MLKL: variants seen among roughly 807,000 people sequenced by gnomAD.
MLKL encodes the protein mixed lineage kinase domain-like protein.
MLKL carries 55 observed loss-of-function variants against 56.5 expected under a neutral mutation model. That is an observed-to-expected ratio of 0.97 (90% CI 0.78 to 1.22). MLKL has a LOEUF of 1.22. MLKL is among the 50% of genes most tolerant of loss of function. The pLI, the probability that MLKL is intolerant of heterozygous loss-of-function variation, is 0.00. For missense variants in MLKL, 694 were observed against 573.9 expected (o/e 1.21, Z -2.14); for synonymous variants, 251 against 208.3 (o/e 1.20, Z -1.76).
At chr16:74,681,292 C>G (rs1369032717) in intron 6 of MLKL, among the ~76,000 whole-genome samples, 4 of 152,124 alleles carry the variant, frequency 2.6e-5, no homozygotes, top group African/African-American at 9.7e-5. Flanking sequence ...TCTCAAAGTG[C>G]TGGGATTATG....
At chr16:74,696,117 G>A (rs572755367) in intron 1 of MLKL, among the ~76,000 whole-genome samples, 1 of 152,316 alleles carries the variant, frequency 6.6e-6, no homozygotes, top group East Asian at 1.9e-4. Context: ...GGCTGGATGC[G>A]TGGGGTGAAG....
At position 74,691,475 on chromosome 16, in the gene MLKL, C is replaced by G. The variant is rs754740254; in HGVS notation, c.536-12G>C. On this transcript the variant is annotated splice_polypyrimidine_tract_variant and intron_variant, in intron 3 of 10. Transcript: ENST00000308807. Reference sequence around the variant, plus strand: ...TTTTGGTGGTAAATCTGACCTCACCCCCGAGAGGAAAGAAGACAAAAGAGT... The same window carrying G: ...TTTTGGTGGTAAATCTGACCTCACCGCCGAGAGGAAAGAAGACAAAAGAGT... 6.2e-7 allele frequency: 1 copy of G among 1,603,452 alleles called. No individual in the cohort carries two copies. Among genetic ancestry groups the G allele is most frequent in the East Asian group, 2.2e-5 (1 of 44,772 alleles).
Position 74,684,084 on chromosome 16 carries a change from A to T in MLKL, c.821-1298T>A, listed in dbSNP as rs544705853. ...TGCCTCAGCCTCCCGAGTAGCTGGG[A>T]CTACAGGCACCCACCACCACGCCCA... On this transcript the variant is annotated intron_variant, in intron 5 of 10. Transcript: ENST00000308807. 1.4e-4 allele frequency among the ~76,000 whole-genome samples: 21 copies of T among 152,002 alleles called. No homozygotes were observed. The East Asian group carries it at 3.9e-3, about 28-fold the overall frequency.
intron 1 of MLKL, among the ~76,000 whole-genome samples, chr16:74,696,984 C>CAT (rs1189810272): frequency 4.7e-4 from 65 of 139,742 alleles, no homozygotes; most frequent in African/African-American, 1.8e-3. Flanking sequence ...TGTAATATTA[C>CAT]ATATATAGTA....
chr16:74,674,270 A>T (rs750678854), intron 10 of MLKL, among the ~76,000 whole-genome samples: 16 of 150,432 alleles, frequency 1.1e-4, no homozygotes, highest in Non-Finnish European at 2.4e-4. Context: ...CTCTTGCCTC[A>T]GCCTCCTGAG....
intron 3 of MLKL, among the ~76,000 whole-genome samples, chr16:74,691,979 G>T (rs1477609994): frequency 6.6e-6 from 1 of 152,118 alleles, no homozygotes; most frequent in South Asian, 2.1e-4. Context: ...CATGGCCTCT[G>T]GCATAAACCA....
At chr16:74,679,969 G>A (rs985247644) in intron 6 of MLKL, among the ~76,000 whole-genome samples, 8 of 152,178 alleles carry the variant, frequency 5.3e-5, no homozygotes, top group African/African-American at 1.2e-4. Flanking sequence ...GTGGTCTCGC[G>A]GAGACCTGTG....
intron 6 of MLKL, among the ~76,000 whole-genome samples, chr16:74,681,116 C>G (rs1384720788): frequency 1.3e-5 from 2 of 152,140 alleles, no homozygotes; most frequent in Non-Finnish European, 2.9e-5. Flanking sequence ...CCTCCGCCTC[C>G]TGGGTTCAAG....
chr16:74,673,952 T>TAAAAAAAAA (rs5817923), intron 10 of MLKL, among the ~76,000 whole-genome samples: 13 of 104,654 alleles, frequency 1.2e-4, no homozygotes, highest in African/African-American at 4.7e-4. Flanking sequence ...ACCTCCTCTC[T>TAAAAAAAAA]AAAAAAAAAA....
At chr16:74,687,896 G>C (rs992381111) in intron 4 of MLKL, among the ~76,000 whole-genome samples, 1 of 151,176 alleles carries the variant, frequency 6.6e-6, no homozygotes, top group Non-Finnish European at 1.5e-5. Flanking sequence ...CGTGATCTCA[G>C]GTCACTGCAA....
At chr16:74,696,973 ATG>A (rs796772806) in intron 1 of MLKL, among the ~76,000 whole-genome samples, 3,603 of 146,906 alleles carry the variant, frequency 0.025, 113 homozygotes, top group African/African-American at 0.075. Context: ...AGTAATATAT[ATG>A]TAATATTACA....
chr16:74,682,914 C>T lies in MLKL; in HGVS notation c.821-128G>A, dbSNP rs2144493866. On this transcript the variant is annotated intron_variant, in intron 5 of 10. Transcript: ENST00000308807. ...TGCTGAGTCCCATTTCTCCCCCAATCCTCAGCCCACAGTTTTGGTCCCCGG... is the reference window on the plus strand; with the variant it reads ...TGCTGAGTCCCATTTCTCCCCCAATTCTCAGCCCACAGTTTTGGTCCCCGG... 4 of 1,126,298 alleles carry T rather than the reference C, an allele frequency of 3.6e-6. No individual in the cohort carries two copies. In the South Asian group the frequency reaches 4.8e-5, roughly 13 times the overall value. The allele number at this position is 1,126,298 out of a possible 1,614,324, so 69.8% of individuals were successfully genotyped here.
intron 4 of MLKL, among the ~76,000 whole-genome samples, chr16:74,690,781 CAAAAAAAA>C (rs58597472): frequency 4.2e-4 from 21 of 49,930 alleles, no homozygotes; most frequent in African/African-American, 1.7e-3. Flanking sequence ...GACCTTGTCT[CAAAAAAAA>C]AAAAAAAAAA....
intron 2 of MLKL, among the ~76,000 whole-genome samples, chr16:74,694,161 A>G (rs958292562): frequency 2.6e-5 from 4 of 152,228 alleles, no homozygotes; most frequent in Non-Finnish European, 5.9e-5. Context: ...TGTGACAACA[A>G]CAATAAAATA....
Position 74,686,857 on chromosome 16 carries a change from A to T in MLKL, c.723-1274T>A, listed in dbSNP as rs561836397. Reference sequence around the variant, plus strand: ...AATTAACAATCAAAAGATTAAATTAAAAATTTTCATTTCCAATAGCATAAA... The same window carrying T: ...AATTAACAATCAAAAGATTAAATTATAAATTTTCATTTCCAATAGCATAAA... On this transcript the variant is annotated intron_variant, in intron 4 of 10. Transcript: ENST00000308807. Among the ~76,000 whole-genome samples, 10 of 152,368 alleles carry T rather than the reference A, an allele frequency of 6.6e-5. No homozygotes were observed. In the South Asian group the frequency reaches 1.0e-3, roughly 16 times the overall value.
chr16:74,685,581 ATTC>A lies in MLKL; in HGVS notation c.723-1_724del, dbSNP rs1960277274. 6.2e-7 allele frequency: 1 copy of A among 1,609,944 alleles called. No individual in the cohort carries two copies. The highest frequency in any genetic ancestry group is 1.7e-5 in the Admixed American group (1 of 59,986). On this transcript the variant is annotated splice_acceptor_variant and coding_sequence_variant, in exon 5 of 11. Transcript: ENST00000308807. LOFTEE classifies it high-confidence loss of function. ...CTCCTTATTGAAAGTCTGCCTCACTATTCTATAAGGATTAAAGAGAGAAATCAG... is the reference window on the plus strand; with the variant it reads ...CTCCTTATTGAAAGTCTGCCTCACTATATAAGGATTAAAGAGAGAAATCAG...
Position 74,672,266 on chromosome 16 carries a change from A to G in MLKL, c.*238T>C, listed in dbSNP as rs972657101. The G allele has an allele frequency of 2.7e-5, 12 of 441,050 alleles. No homozygotes were observed. In the Admixed American group the frequency reaches 4.5e-4, roughly 16 times the overall value. 27.3% of individuals were successfully genotyped at this position (441,050 alleles called of 1,614,324 possible). A position where few individuals can be genotyped will look rare whatever the true frequency, so the allele number is the denominator to read the frequency against. On this transcript the variant is annotated 3_prime_UTR_variant, in exon 11 of 11. Coordinates refer to ENST00000308807, the MANE Select transcript of MLKL (RefSeq NM_152649.4). ...TGCCAAGAGGTGTGGATACCCAGAA[A>G]GATACATTTGACAAACCATCTATCA...
intron 2 of MLKL, among the ~76,000 whole-genome samples, chr16:74,693,575 T>C (rs1567617756): frequency 2.6e-5 from 4 of 151,084 alleles, no homozygotes. Context: ...GCCACTGAAC[T>C]GGCATCTAAA....
intron 10 of MLKL, among the ~76,000 whole-genome samples, chr16:74,674,342 G>A (rs1179779917): frequency 6.6e-6 from 1 of 151,752 alleles, no homozygotes; most frequent in South Asian, 2.1e-4. Context: ...TAATAGAGAC[G>A]AGGTTTCATC....
Sources: allele counts gnomAD v4.1 joint callset (sites outside exome capture counted in the v4.1 genomes callset), GRCh38; gene constraint gnomAD v4.1.1; transcripts MANE v1.5; gene names NCBI Gene and HGNC (gene_info 2026-07-23, HGNC 2026-07-21).